MAGI2: variants seen among roughly 807,000 people sequenced by gnomAD.
MAGI2 encodes membrane-associated guanylate kinase, WW and PDZ domain-containing protein 2.
In MAGI2, 35 loss-of-function variants were observed where a neutral mutation model predicts 133.3. That is an observed-to-expected ratio of 0.26 (90% confidence interval 0.20 to 0.35). MAGI2 has a LOEUF of 0.35. Ranked by LOEUF, MAGI2 falls within the 10% of genes least tolerant of loss-of-function variation. The probability of loss-of-function intolerance (pLI) is 1.00; values close to 1 mark genes in which losing one functional copy is unlikely to be tolerated. For missense variants in MAGI2, 1,636 were observed against 1,863.4 expected, an observed-to-expected ratio of 0.88 and a Z score of 2.25; for synonymous variants, 729 against 710.6, an observed-to-expected ratio of 1.03 and a Z score of -0.41.
At chr7:79,354,461 A>C (rs1340284632) in intron 1 of MAGI2, 1 of 152,362 alleles carries the variant, frequency 6.6e-6, no homozygotes, top group African/African-American at 2.4e-5. Context: ...TGAGAATACT[A>C]GGTGGGCAGG....
At chr7:79,244,150 C>T (rs1418745094) in intron 1 of MAGI2, among the ~76,000 whole-genome samples, 4 of 152,156 alleles carry the variant, frequency 2.6e-5, no homozygotes, top group African/African-American at 9.7e-5. Flanking sequence ...ATGTTTTTCT[C>T]TATTGAAACA....
At chr7:78,991,113 G>A (rs547816174) in intron 2 of MAGI2, among the ~76,000 whole-genome samples, 2 of 151,768 alleles carry the variant, frequency 1.3e-5, no homozygotes, top group African/African-American at 4.8e-5. Flanking sequence ...TAAAAGTGTG[G>A]TACTTCCTTT....
chr7:78,381,426 T>C (rs1398608326), intron 6 of MAGI2, among the ~76,000 whole-genome samples: 4 of 152,074 alleles, frequency 2.6e-5, no homozygotes, highest in Non-Finnish European at 5.9e-5. Context: ...AGGAAAGGTT[T>C]TCTTACTCTG....
chr7:79,302,045 A>T (rs1196515288), intron 1 of MAGI2, among the ~76,000 whole-genome samples: 1 of 152,206 alleles, frequency 6.6e-6, no homozygotes, highest in Non-Finnish European at 1.5e-5. Context: ...CTTTCTGTAT[A>T]GCCTGCAGAA....
intron 1 of MAGI2, among the ~76,000 whole-genome samples, chr7:79,174,740 T>C (rs1310088123): frequency 1.3e-5 from 2 of 151,716 alleles, no homozygotes; most frequent in Non-Finnish European, 2.9e-5. Flanking sequence ...ATTCTCTAGG[T>C]AGACATTTTG....
At chr7:79,312,268 C>T (rs928269596) in intron 1 of MAGI2, among the ~76,000 whole-genome samples, 1 of 152,140 alleles carries the variant, frequency 6.6e-6, no homozygotes, top group Admixed American at 6.6e-5. Context: ...CATGTCAAGT[C>T]CTAGATGATC....
chr7:79,182,910 A>G (rs534547045), intron 1 of MAGI2, among the ~76,000 whole-genome samples: 1 of 152,098 alleles, frequency 6.6e-6, no homozygotes, highest in Admixed American at 6.6e-5. Context: ...AACATGGATG[A>G]AAACTGGAGG....
intron 2 of MAGI2, among the ~76,000 whole-genome samples, chr7:78,868,839 C>T (rs1169820596): frequency 1.3e-5 from 2 of 151,860 alleles, no homozygotes; most frequent in Admixed American, 1.3e-4. Context: ...CTGCAAGCTC[C>T]GCCTCCCGGG....
intron 1 of MAGI2, among the ~76,000 whole-genome samples, chr7:79,261,440 C>T (rs1334828608): frequency 6.6e-6 from 1 of 152,192 alleles, no homozygotes; most frequent in Non-Finnish European, 1.5e-5. Context: ...AAGCAAATCA[C>T]ATAGTTCAAG....
chr7:78,792,086 C>A (rs1160620827), intron 2 of MAGI2, among the ~76,000 whole-genome samples: 1 of 151,962 alleles, frequency 6.6e-6, no homozygotes, highest in Non-Finnish European at 1.5e-5. Flanking sequence ...AGGAATAAGC[C>A]TAGATTCACT....
intron 9 of MAGI2, among the ~76,000 whole-genome samples, chr7:78,298,816 T>G (rs1290926409): frequency 2.9e-5 from 4 of 140,090 alleles, no homozygotes; most frequent in South Asian, 2.5e-4. Flanking sequence ...AAACGTTTTT[T>G]TTTTTTTTTT....
intron 5 of MAGI2, among the ~76,000 whole-genome samples, chr7:78,494,476 T>C (rs2150504613): frequency 6.6e-6 from 1 of 152,316 alleles, no homozygotes; most frequent in South Asian, 2.1e-4. Flanking sequence ...TCTATTCTTC[T>C]GTTCCAGTTT....
At chr7:78,406,287 C>T (rs1234473806) in intron 6 of MAGI2, among the ~76,000 whole-genome samples, 2 of 151,996 alleles carry the variant, frequency 1.3e-5, no homozygotes, top group Non-Finnish European at 2.9e-5. Flanking sequence ...TAGTAACTTG[C>T]TTCAAATAAA....
intron 1 of MAGI2, among the ~76,000 whole-genome samples, chr7:79,118,586 C>T (rs1429934361): frequency 3.3e-5 from 5 of 152,158 alleles, no homozygotes; most frequent in Admixed American, 1.3e-4. Flanking sequence ...TCTCTGAGTA[C>T]TTCAAAGCAG....
At chr7:79,136,105 GA>G (rs767128346) in intron 1 of MAGI2, among the ~76,000 whole-genome samples, 84 of 148,212 alleles carry the variant, frequency 5.7e-4, no homozygotes, top group Admixed American at 1.5e-3. Flanking sequence ...AAGAAAGAAA[GA>G]AAGAAAGAAA....
chr7:78,138,795 C>A (rs1457365752), intron 16 of MAGI2, among the ~76,000 whole-genome samples: 1 of 152,162 alleles, frequency 6.6e-6, no homozygotes, highest in Non-Finnish European at 1.5e-5. Context: ...GTATAATAAT[C>A]ATGCTAATTT....
intron 2 of MAGI2, among the ~76,000 whole-genome samples, chr7:78,648,897 T>A (rs893943278): frequency 1.3e-4 from 20 of 152,274 alleles, no homozygotes; most frequent in African/African-American, 4.8e-4. Flanking sequence ...CAATCTAAGA[T>A]ATTTTGCTAT....
At chr7:79,380,444 C>T (rs187501102) in intron 1 of MAGI2, among the ~76,000 whole-genome samples, 18 of 151,828 alleles carry the variant, frequency 1.2e-4, no homozygotes, top group African/African-American at 3.1e-4. Flanking sequence ...AGCAAAAGGA[C>T]GATGCACATT....
At chr7:78,984,751 A>G (rs1339057135) in intron 2 of MAGI2, among the ~76,000 whole-genome samples, 1 of 151,672 alleles carries the variant, frequency 6.6e-6, no homozygotes, top group African/African-American at 2.4e-5. Context: ...AATTTGCTTT[A>G]TTTTTCTTTG....
Sources: allele counts gnomAD v4.1 joint callset (sites outside exome capture counted in the v4.1 genomes callset), GRCh38; gene constraint gnomAD v4.1.1; transcripts MANE v1.5; gene names NCBI Gene and HGNC (gene_info 2026-07-23, HGNC 2026-07-21).